Variants in PLPP3 observed in about 807,000 individuals in gnomAD.
PLPP3 encodes phospholipid phosphatase 3.
PLPP3 carries 6 observed loss-of-function variants against 29.6 expected under a neutral mutation model. The ratio of observed to expected loss-of-function variants is 0.20; its 90% CI spans 0.11 to 0.40. The LOEUF is 0.40. Ranked by LOEUF, PLPP3 falls within the 10% of genes least tolerant of loss-of-function variation. The pLI is 1.00. For missense variants in PLPP3, 308 were observed against 407.7 expected (o/e 0.76, Z 2.11); for synonymous variants, 152 against 159.7 (o/e 0.95, Z 0.36).
intron 4 of PLPP3, 79 bp from the exon 5 acceptor site, chr1:56,512,231 T>C: frequency 2.3e-6 from 3 of 1,286,306 alleles, no homozygotes; most frequent in Non-Finnish European, 2.1e-6. Context: ...TGACACACAC[T>C]ACATTTCTAC....
At position 56,564,590 on chromosome 1, in the gene PLPP3, T is replaced by C. The variant is rs148269614; in HGVS notation, c.139+14288A>G. ...TTTATGGCAAAATCATAAGTAAAGGTCCCTCAACTCCATTAATAGCCTTAG... is the reference window on the plus strand; with the variant it reads ...TTTATGGCAAAATCATAAGTAAAGGCCCCTCAACTCCATTAATAGCCTTAG... On this transcript the variant is annotated intron_variant, in intron 1 of 5. Coordinates refer to ENST00000371250, the MANE Select transcript of PLPP3 (RefSeq NM_003713.5). 1.7e-3 allele frequency among the ~76,000 whole-genome samples: 265 copies of C among 152,218 alleles called. 3 individuals are homozygous for C. The East Asian group carries it at 0.024, about 14-fold the overall frequency.
rs1172831045 is a variant in PLPP3, at chr1:56,567,393, CTTTTT to C, written c.139+11480_139+11484del. Among the ~76,000 whole-genome samples, 29 of 116,956 alleles carry C rather than the reference CTTTTT, an allele frequency of 2.5e-4. 1 individual carries two copies. The East Asian group carries it at 7.7e-3, about 31-fold the overall frequency. 76.7% of individuals were successfully genotyped at this position (116,956 alleles called of 152,430 possible). A position where few individuals can be genotyped will look rare whatever the true frequency, so the allele number is the denominator to read the frequency against. On this transcript the variant is annotated intron_variant, in intron 1 of 5. Coordinates refer to ENST00000371250, the MANE Select transcript of PLPP3 (RefSeq NM_003713.5). Reference sequence around the variant, plus strand: ...TGTCTGCATTAATCTTAAGGTATTTCTTTTTTTTTTTTTTTTTTTTTTGAGATGGA... The same window carrying C: ...TGTCTGCATTAATCTTAAGGTATTTCTTTTTTTTTTTTTTTTTGAGATGGA...
rs749344171 is a variant in PLPP3 at position 56,579,020 on chromosome 1, G to C, written c.-4C>G. On this transcript the variant is annotated 5_prime_UTR_variant, in exon 1 of 6. Coordinates refer to ENST00000371250, the MANE Select transcript of PLPP3 (RefSeq NM_003713.5). ...TGTCGTACTTGTAGTTTTGCATGGC[G>C]CTGGCTGCGGCGCGAGCCTCCCGCC... 1.2e-5 allele frequency: 19 copies of C among 1,588,628 alleles called. No individual in the cohort carries two copies. The highest frequency in any genetic ancestry group is 3.5e-5 in the Admixed American group (2 of 57,904).
intron 1 of PLPP3, among the ~76,000 whole-genome samples, chr1:56,560,253 G>T (rs1557514684): frequency 6.6e-6 from 1 of 152,182 alleles, no homozygotes; most frequent in Non-Finnish European, 1.5e-5. Flanking sequence ...TTGTGGAAAT[G>T]ACTCATCACC....
At chr1:56,556,924 G>A (rs1160684272) in intron 1 of PLPP3, among the ~76,000 whole-genome samples, 1 of 129,216 alleles carries the variant, frequency 7.7e-6, no homozygotes, top group Non-Finnish European at 1.6e-5. Flanking sequence ...GAGGGAGAAA[G>A]AAAGAGAGAG....
intron 1 of PLPP3, among the ~76,000 whole-genome samples, chr1:56,560,113 T>C (rs1018995718): frequency 2.0e-5 from 3 of 152,286 alleles, no homozygotes; most frequent in African/African-American, 4.8e-5. Context: ...AGAGTATACA[T>C]TGTATTTCTA....
chr1:56,538,131 C>T (rs1381500597), intron 1 of PLPP3, among the ~76,000 whole-genome samples: 3 of 152,178 alleles, frequency 2.0e-5, no homozygotes, highest in Non-Finnish European at 1.5e-5. Context: ...TCTTCAATGG[C>T]TCCCCATGAC....
intron 1 of PLPP3, among the ~76,000 whole-genome samples, chr1:56,552,048 T>C (rs866996570): frequency 3.3e-5 from 5 of 152,198 alleles, no homozygotes; most frequent in South Asian, 2.1e-4. Context: ...TGGCTGACTG[T>C]TCCGGATATG....
intron 1 of PLPP3, among the ~76,000 whole-genome samples, chr1:56,561,256 T>G (rs180699167): frequency 1.3e-5 from 2 of 151,966 alleles, no homozygotes; most frequent in South Asian, 2.1e-4. Flanking sequence ...GAAGCTATCA[T>G]GGTTAGCACA....
At chr1:56,511,849 G>T in intron 5 of PLPP3, 127 bp downstream of exon 5, 1 of 1,134,556 alleles carries the variant, frequency 8.8e-7, no homozygotes, top group Non-Finnish European at 1.3e-6. Flanking sequence ...CTAAGGCCAG[G>T]TGACTCTTCA....
At chr1:56,520,910 CAAAAAAAAAAA>C (rs1169318077) in intron 4 of PLPP3, among the ~76,000 whole-genome samples, 1 of 61,908 alleles carries the variant, frequency 1.6e-5, no homozygotes, top group Non-Finnish European at 2.7e-5. Context: ...GACTCCATCT[CAAAAAAAAAAA>C]AAAAAAAAAA....
chr1:56,511,677 G>A (rs539284311), intron 5 of PLPP3, among the ~76,000 whole-genome samples: 2 of 151,966 alleles, frequency 1.3e-5, no homozygotes, highest in East Asian at 1.9e-4. Context: ...TATAACATGA[G>A]CAAGTTGGAC....
chr1:56,555,293 T>C (rs1040077626), intron 1 of PLPP3, among the ~76,000 whole-genome samples: 12 of 151,604 alleles, frequency 7.9e-5, no homozygotes, highest in Admixed American at 7.2e-4. Context: ...CCCCTGCACA[T>C]GGACACCGTA....
At chr1:56,516,811 T>C (rs1645784315) in intron 4 of PLPP3, 1 of 151,824 alleles carries the variant, frequency 6.6e-6, no homozygotes, top group Non-Finnish European at 1.5e-5. Flanking sequence ...TGATTGTGGA[T>C]ATGAGAAAAA....
At chr1:56,530,367 AC>A (rs1645879459) in intron 2 of PLPP3, among the ~76,000 whole-genome samples, 1 of 152,038 alleles carries the variant, frequency 6.6e-6, no homozygotes, top group South Asian at 2.1e-4. Flanking sequence ...GCTTCAGCCT[AC>A]CCCTTTCCCC....
chr1:56,565,070 A>G (rs28673510), intron 1 of PLPP3, among the ~76,000 whole-genome samples: 12,464 of 152,262 alleles, frequency 0.082, 939 homozygotes, highest in East Asian at 0.23. Flanking sequence ...ATTCTTCTCT[A>G]TAAACCTACT....
intron 5 of PLPP3, among the ~76,000 whole-genome samples, chr1:56,501,340 A>G (rs1645666703): frequency 6.6e-6 from 1 of 152,180 alleles, no homozygotes; most frequent in Non-Finnish European, 1.5e-5. Context: ...AAAGAAATAT[A>G]TATAACTCTG....
chr1:56,567,981 A>G (rs1646172651), intron 1 of PLPP3, among the ~76,000 whole-genome samples: 1 of 152,258 alleles, frequency 6.6e-6, no homozygotes, highest in Admixed American at 6.5e-5. Flanking sequence ...TGAAGGATAC[A>G]TGCTGCAATA....
chr1:56,510,330 C>A (rs1449946953), intron 5 of PLPP3, among the ~76,000 whole-genome samples: 1 of 152,154 alleles, frequency 6.6e-6, no homozygotes, highest in Admixed American at 6.5e-5. Context: ...ACGGTTTGCT[C>A]CCCCAGGTTC....
Sources: allele counts gnomAD v4.1 joint callset (sites outside exome capture counted in the v4.1 genomes callset), GRCh38; gene constraint gnomAD v4.1.1; transcripts MANE v1.5; gene names NCBI Gene and HGNC (gene_info 2026-07-23, HGNC 2026-07-21).